The following PGBD5 variants were observed in gnomAD, a reference collection of about 807,000 sequenced individuals.
PGBD5 encodes the protein piggyBac transposable element-derived protein 5.
In PGBD5, 14 loss-of-function variants were observed where a neutral mutation model predicts 47.9. That is an observed-to-expected ratio of 0.29 (90% CI 0.19 to 0.46). The LOEUF is 0.46. Ranked by LOEUF, PGBD5 falls within the 20% of genes least tolerant of loss-of-function variation. PGBD5 has a pLI of 1.00. For synonymous variants in PGBD5, 316 were observed against 306.3 expected (o/e 1.03, Z -0.33); for missense variants, 635 against 716.0 (o/e 0.89, Z 1.29).
rs149176380 is a variant in PGBD5, at chr1:230,390,638, G to A, written c.332-33317C>T. The stretch of plus-strand genomic sequence containing the variant: ...CCTACCTGCCCACTCCAGGGAGCCT[G>A]GGTTGCTCCTGCAGCTCAGAATCAT... On this transcript the variant is annotated intron_variant, in intron 1 of 6. Coordinates refer to ENST00000391860, the MANE Select transcript of PGBD5 (RefSeq NM_001258311.2). Among the ~76,000 whole-genome samples, 1,128 of 152,286 alleles carry A rather than the reference G, an allele frequency of 7.4e-3. 19 individuals carry two copies. Among genetic ancestry groups the A allele is most frequent in the Admixed American group, 0.027 (416 of 15,300 alleles).
rs577110218 is a variant in PGBD5, at chr1:230,369,625, T to C, written c.332-12304A>G. ...GCCCTCTGTGCTTACTCCGTGTCTG[T>C]GTGTGTGCTGGGGACAGGGAGAGTG... On this transcript the variant is annotated intron_variant, in intron 1 of 6. Coordinates refer to ENST00000391860, the MANE Select transcript of PGBD5 (RefSeq NM_001258311.2). 4.5e-4 allele frequency among the ~76,000 whole-genome samples: 68 copies of C among 152,238 alleles called. 1 individual carries two copies. In the South Asian group the frequency reaches 0.012, roughly 28 times the overall value.
intron 3 of PGBD5, among the ~76,000 whole-genome samples, chr1:230,337,993 C>T (rs147625286): frequency 3.3e-5 from 5 of 152,220 alleles, no homozygotes; most frequent in African/African-American, 7.2e-5. Context: ...TGTGACTTAG[C>T]GAAAATATCT....
At chr1:230,406,810 G>T (rs898913432) in intron 1 of PGBD5, among the ~76,000 whole-genome samples, 1 of 152,132 alleles carries the variant, frequency 6.6e-6, no homozygotes, top group East Asian at 1.9e-4. Context: ...AAAAATTCAG[G>T]GATAAAAATT....
At chr1:230,372,498 T>C (rs828452) in intron 1 of PGBD5, among the ~76,000 whole-genome samples, 109,320 of 152,106 alleles carry the variant, frequency 0.72, 39,708 homozygotes, top group African/African-American at 0.74. Flanking sequence ...CCCACGAATG[T>C]TCTCTGATGT....
At chr1:230,336,810 T>C (rs1177566769) in intron 4 of PGBD5, among the ~76,000 whole-genome samples, 2 of 139,466 alleles carry the variant, frequency 1.4e-5, no homozygotes, top group Non-Finnish European at 3.1e-5. Flanking sequence ...AGGCTTTTCA[T>C]GGCTACAGAT....
In PGBD5 at chr1:230,320,340, G is replaced by A. The variant is rs547634569; in HGVS notation, c.*3085C>T. The A allele has an allele frequency of 1.3e-5, 2 of 152,300 alleles. No homozygotes were observed. Among genetic ancestry groups the A allele is most frequent in the East Asian group, 3.9e-4 (2 of 5,184 alleles). The allele number at this position is 152,300 out of a possible 1,614,324, so 9.4% of individuals were successfully genotyped here. A position where few individuals can be genotyped will look rare whatever the true frequency, so the allele number is the denominator to read the frequency against. ...GTAATGGGAAGGTCTCATAAACTCC[G>A]TGAAGCTCAGTGCAGGTTCAATTCC... On this transcript the variant is annotated 3_prime_UTR_variant, in exon 7 of 7. Coordinates refer to ENST00000391860, the MANE Select transcript of PGBD5 (RefSeq NM_001258311.2).
At chr1:230,416,335 A>AT (rs1450481316) in intron 1 of PGBD5, among the ~76,000 whole-genome samples, 1 of 152,042 alleles carries the variant, frequency 6.6e-6, no homozygotes, top group African/African-American at 2.4e-5. Context: ...GCTTGTGAAC[A>AT]TTTTTTACCG....
intron 2 of PGBD5, among the ~76,000 whole-genome samples, chr1:230,356,326 T>A (rs961480174): frequency 3.3e-5 from 5 of 151,960 alleles, no homozygotes; most frequent in African/African-American, 1.2e-4. Context: ...GAGCTGAGAG[T>A]AGGCAGAACC....
intron 4 of PGBD5, among the ~76,000 whole-genome samples, chr1:230,335,930 CACACAGACACACAAAG>C (rs1363506464): frequency 6.6e-5 from 10 of 151,192 alleles, no homozygotes; most frequent in Admixed American, 3.9e-4. Context: ...GACACAGACA[CACACAGACACACAAAG>C]ACACAGAGAC....
chr1:230,325,375 G>C lies in PGBD5; in HGVS notation c.1314C>G (p.Pro438=), dbSNP rs754677314. The change falls in exon 6 of 7, where the codon CCC becomes CCG. Residue 438 remains proline (P), a synonymous_variant. Transcript: ENST00000391860. ...GAGCGGCAAACGCCTCCACGGCCAA[G>C]GGGCATGGGATCTCCCCACTCTTCC... ...IKRKSGEIPC[P]LAVEAFAAHL... is the part of the protein sequence containing the mutation. 1.2e-6 allele frequency: 2 copies of C among 1,613,816 alleles called. No homozygotes were observed. Among genetic ancestry groups the C allele is most frequent in the South Asian group, 1.1e-5 (1 of 90,966 alleles).
At position 230,357,360 on chromosome 1, in the gene PGBD5, C is replaced by T; in HGVS notation, c.332-39G>A. Reference sequence around the variant, plus strand: ...ACAGGTGGAGTGTTCCTTAGGACGGCCGCCACACCCTGACTCGACACGAGA... The same window carrying T: ...ACAGGTGGAGTGTTCCTTAGGACGGTCGCCACACCCTGACTCGACACGAGA... On this transcript the variant is annotated intron_variant, in intron 1 of 6. Transcript: ENST00000391860. The surrounding 1 kb of genome is among the most constrained non-coding windows in gnomAD (Gnocchi z 5.7). 6.3e-7 allele frequency: 1 copy of T among 1,586,310 alleles called. No homozygotes were observed. Among genetic ancestry groups the T allele is most frequent in the Non-Finnish European group, 8.6e-7 (1 of 1,162,530 alleles).
chr1:230,417,398 T>C (rs1221986384), intron 1 of PGBD5, among the ~76,000 whole-genome samples: 1 of 152,186 alleles, frequency 6.6e-6, no homozygotes, highest in African/African-American at 2.4e-5. Flanking sequence ...TAAATCTACA[T>C]CCATGCCTGA....
rs760411729 is a variant in PGBD5, at chr1:230,403,469, CA to C, written c.331+22128del. ...CAGTGTAGTTCCCAGTGGAGAGGTC[CA>C]GTGTAGGGCTTCTTCCCTCTCAAGC... On this transcript the variant is annotated intron_variant, in intron 1 of 6. Transcript: ENST00000391860. Among the ~76,000 whole-genome samples, 18 of 152,246 alleles carry C rather than the reference CA, an allele frequency of 1.2e-4. No homozygotes were observed. In the East Asian group the frequency reaches 2.7e-3, roughly 23 times the overall value.
intron 1 of PGBD5, among the ~76,000 whole-genome samples, chr1:230,367,649 G>A (rs1383371591): frequency 6.6e-6 from 1 of 152,212 alleles, no homozygotes; most frequent in Admixed American, 6.5e-5. Flanking sequence ...AGTGAACCAC[G>A]ACTGCGTCAC....
chr1:230,409,798 T>C (rs572549944), intron 1 of PGBD5, among the ~76,000 whole-genome samples: 13 of 151,958 alleles, frequency 8.6e-5, no homozygotes, highest in Non-Finnish European at 1.5e-4. Flanking sequence ...ATAAAGCTGT[T>C]ACTAAAAAAA....
At chr1:230,354,641 A>G (rs1398059476) in intron 2 of PGBD5, among the ~76,000 whole-genome samples, 1 of 152,184 alleles carries the variant, frequency 6.6e-6, no homozygotes, top group African/African-American at 2.4e-5. Context: ...CTGCTTCTTC[A>G]AGGTAAAGCT....
At chr1:230,373,977 T>G (rs1667972703) in intron 1 of PGBD5, among the ~76,000 whole-genome samples, 1 of 152,148 alleles carries the variant, frequency 6.6e-6, no homozygotes, top group South Asian at 2.1e-4. Flanking sequence ...CCACCACGCC[T>G]GGCCACAAGT....
chr1:230,379,456 A>C (rs1015954751), intron 1 of PGBD5, among the ~76,000 whole-genome samples: 1 of 152,200 alleles, frequency 6.6e-6, no homozygotes, highest in African/African-American at 2.4e-5. Context: ...CATTATTAGA[A>C]TTAACTTTCA....
intron 1 of PGBD5, among the ~76,000 whole-genome samples, chr1:230,389,259 T>C (rs1265729257): frequency 2.0e-5 from 3 of 151,854 alleles, no homozygotes; most frequent in African/African-American, 7.3e-5. Flanking sequence ...TCGCAGCCTC[T>C]GCCTCCGGGT....
Sources: gnomAD v4.1 joint callset for allele counts (sites outside exome capture counted in the v4.1 genomes callset) on GRCh38, gnomAD v4.1.1 for gene constraint, Gnocchi (gnomAD v3.1) non-coding constraint, MANE v1.5 for transcripts, NCBI Gene and HGNC (gene_info 2026-07-23, HGNC 2026-07-21) for gene names.